Variants in ZNF407 observed in about 807,000 individuals in gnomAD.
ZNF407 encodes the protein zinc finger protein 407.
A neutral mutation model predicts 131.2 loss-of-function variants in ZNF407; 17 were observed. That is an observed-to-expected ratio of 0.13 (90% CI 0.09 to 0.19). The LOEUF (loss-of-function observed/expected upper bound fraction) is 0.19, where lower values mean the gene tolerates loss of function less well. Ranked by LOEUF, ZNF407 falls within the 10% of genes least tolerant of loss-of-function variation. The pLI is 1.00. For missense variants in ZNF407, 2,681 were observed against 2,830.6 expected, an observed-to-expected ratio of 0.95 and a Z score of 1.20; for synonymous variants, 1,156 against 1,062.0, an observed-to-expected ratio of 1.09 and a Z score of -1.72.
intron 2 of ZNF407, among the ~76,000 whole-genome samples, chr18:74,640,579 C>A (rs1319019278): frequency 2.0e-5 from 3 of 151,934 alleles, no homozygotes; most frequent in Admixed American, 6.6e-5. Context: ...AGGAGGTGGC[C>A]ACAGAGAAAT....
intron 3 of ZNF407, among the ~76,000 whole-genome samples, chr18:74,753,599 A>G (rs923275506): frequency 6.6e-6 from 1 of 152,234 alleles, no homozygotes; most frequent in Admixed American, 6.5e-5. Context: ...ACTTTTCTGC[A>G]TCTATTGAGA....
In ZNF407 at chr18:74,634,217, A is replaced by T; in HGVS notation, c.3198A>T (p.Ala1066=). 1 of 1,614,054 alleles carries T rather than the reference A, an allele frequency of 6.2e-7. No individual in the cohort carries two copies. Among genetic ancestry groups the T allele is most frequent in the Non-Finnish European group, 8.5e-7 (1 of 1,179,902 alleles). ...GTCGCGAGATGACCAGGCATGCAGC[A>T]ACAGAGAAGCACAAAATGAAAAGGC... ...VTRREMTRHA[A]TEKHKMKRQS... Residue 1066 remains alanine (A), a synonymous_variant, in exon 2 of 9, where the codon GCA becomes GCT. Coordinates refer to ENST00000299687, the MANE Select transcript of ZNF407 (RefSeq NM_017757.3).
intron 1 of ZNF407, among the ~76,000 whole-genome samples, chr18:74,606,659 T>C (rs1292940927): frequency 6.6e-6 from 1 of 152,366 alleles, no homozygotes; most frequent in East Asian, 1.9e-4. Flanking sequence ...TGGTGGAGTT[T>C]ATTATGTCGG....
intron 3 of ZNF407, among the ~76,000 whole-genome samples, chr18:74,724,000 C>G (rs544380583): frequency 6.6e-6 from 1 of 151,814 alleles, no homozygotes; most frequent in Non-Finnish European, 1.5e-5. Context: ...TGGAAAGTCT[C>G]TAGTATATTT....
intron 3 of ZNF407, among the ~76,000 whole-genome samples, chr18:74,700,119 T>C (rs1017376880): frequency 7.2e-5 from 11 of 152,378 alleles, no homozygotes; most frequent in African/African-American, 2.6e-4. Flanking sequence ...TAGTAAACTA[T>C]GTTTCGTTGA....
chr18:75,009,474 A>G (rs1472082895), intron 8 of ZNF407, among the ~76,000 whole-genome samples: 1 of 152,200 alleles, frequency 6.6e-6, no homozygotes, highest in Non-Finnish European at 1.5e-5. Context: ...CCAGGTATGA[A>G]CTTGTGTGGA....
intron 3 of ZNF407, among the ~76,000 whole-genome samples, chr18:74,713,928 T>C (rs1967830936): frequency 1.3e-5 from 2 of 152,186 alleles, no homozygotes; most frequent in Admixed American, 1.3e-4. Context: ...TTAAAAGGCT[T>C]ATGTTTGTAT....
intron 8 of ZNF407, among the ~76,000 whole-genome samples, chr18:74,937,850 T>A (rs1972055843): frequency 6.6e-6 from 1 of 152,200 alleles, no homozygotes; most frequent in Admixed American, 6.5e-5. Flanking sequence ...TGTAACCATA[T>A]TTGAATCAAT....
At chr18:74,942,866 C>T (rs1972115208) in intron 8 of ZNF407, among the ~76,000 whole-genome samples, 1 of 152,032 alleles carries the variant, frequency 6.6e-6, no homozygotes, top group South Asian at 2.1e-4. Flanking sequence ...AGTGTTAGAT[C>T]ATATTGCAAT....
At chr18:74,960,405 A>G (rs1365903155) in intron 8 of ZNF407, among the ~76,000 whole-genome samples, 17 of 124,520 alleles carry the variant, frequency 1.4e-4, no homozygotes, top group South Asian at 5.7e-4. Flanking sequence ...CTGAGTGAGG[A>G]CTGGGTGGAG....
chr18:74,829,611 A>C (rs2145115460), intron 4 of ZNF407, among the ~76,000 whole-genome samples: 1 of 152,284 alleles, frequency 6.6e-6, no homozygotes, highest in South Asian at 2.1e-4. Flanking sequence ...ATTGAAGGAA[A>C]TCTGCCCCAG....
chr18:74,864,535 C>T (rs577808965), intron 4 of ZNF407, among the ~76,000 whole-genome samples: 24 of 152,302 alleles, frequency 1.6e-4, no homozygotes, highest in Admixed American at 8.5e-4. Flanking sequence ...CTTCTCTTCA[C>T]ATCCTGAGCC....
intron 3 of ZNF407, among the ~76,000 whole-genome samples, chr18:74,720,718 G>T (rs1968011285): frequency 6.6e-6 from 1 of 152,046 alleles, no homozygotes; most frequent in South Asian, 2.1e-4. Flanking sequence ...TTCTGCAAAT[G>T]AATATCAGAT....
At chr18:74,732,660 A>G (rs1968320365) in intron 3 of ZNF407, among the ~76,000 whole-genome samples, 1 of 152,172 alleles carries the variant, frequency 6.6e-6, no homozygotes, top group Admixed American at 6.5e-5. Flanking sequence ...TGTAATTCTC[A>G]TAGAATTTTC....
chr18:74,711,183 C>T (rs1967752258), intron 3 of ZNF407, among the ~76,000 whole-genome samples: 2 of 152,120 alleles, frequency 1.3e-5, no homozygotes, highest in African/African-American at 2.4e-5. Flanking sequence ...TAATTGGTGT[C>T]CAGTTTTAAT....
At chr18:74,997,286 T>G (rs1428864929) in intron 8 of ZNF407, among the ~76,000 whole-genome samples, 1 of 152,106 alleles carries the variant, frequency 6.6e-6, no homozygotes, top group Non-Finnish European at 1.5e-5. Flanking sequence ...ACGAATCCCA[T>G]CAACTCAACA....
chr18:74,989,540 A>G (rs567888940), intron 8 of ZNF407, among the ~76,000 whole-genome samples: 2 of 152,268 alleles, frequency 1.3e-5, no homozygotes, highest in South Asian at 4.1e-4. Flanking sequence ...AGCATTTTAG[A>G]TATTGGAATT....
chr18:75,046,862 G>A (rs80064178), intron 8 of ZNF407, among the ~76,000 whole-genome samples: 9,204 of 151,920 alleles, frequency 0.061, 572 homozygotes, highest in African/African-American at 0.16. Context: ...TTTGCCTCCC[G>A]GATGTCCCTT....
At chr18:74,833,554 G>T (rs1970514129) in intron 4 of ZNF407, among the ~76,000 whole-genome samples, 2 of 152,196 alleles carry the variant, frequency 1.3e-5, no homozygotes, top group African/African-American at 4.8e-5. Context: ...AGCCTGTGGA[G>T]TTCCAGGCAC....
Sources: gnomAD v4.1 joint callset for allele counts (sites outside exome capture counted in the v4.1 genomes callset) on GRCh38, gnomAD v4.1.1 for gene constraint, MANE v1.5 for transcripts, NCBI Gene and HGNC (gene_info 2026-07-23, HGNC 2026-07-21) for gene names.